TBC1D20: variants seen among roughly 807,000 people sequenced by gnomAD.
TBC1D20 encodes chromosome 20 open reading frame 140.
Under a neutral mutation model 41.6 loss-of-function variants are expected in TBC1D20, and 12 were observed. That is an observed-to-expected ratio of 0.29 (90% CI 0.18 to 0.47). The LOEUF (loss-of-function observed/expected upper bound fraction) is 0.47, where lower values mean the gene tolerates loss of function less well. TBC1D20 is among the 20% of genes least tolerant of loss of function. TBC1D20 has a pLI of 1.00. For missense variants in TBC1D20, 421 were observed against 517.4 expected, an observed-to-expected ratio of 0.81 and a Z score of 1.81; for synonymous variants, 205 against 204.8, an observed-to-expected ratio of 1.00 and a Z score of -0.01.
chr20:441,393 C>G (rs1202205709), intron 5 of TBC1D20, 195 bp downstream of exon 5: 1 of 585,080 alleles, frequency 1.7e-6, no homozygotes, highest in Non-Finnish European at 3.1e-6. Context: ...GCTATGTCCC[C>G]CAAAGAGCAC....
intron 1 of TBC1D20, among the ~76,000 whole-genome samples, chr20:453,875 G>A (rs1397734042): frequency 6.8e-6 from 1 of 146,384 alleles, no homozygotes; most frequent in African/African-American, 2.6e-5. Flanking sequence ...GGAGGCCGAG[G>A]TGGATGGATC....
At chr20:451,288 T>C (rs1210979233) in intron 1 of TBC1D20, among the ~76,000 whole-genome samples, 1 of 152,182 alleles carries the variant, frequency 6.6e-6, no homozygotes, top group East Asian at 1.9e-4. Context: ...CTCACGTCTG[T>C]AATCCCAGCA....
chr20:437,611 AG>A lies in TBC1D20; in HGVS notation c.*974del, dbSNP rs1396026380. ...AGTGAGTGGGTGCCTATTTGGGAGT[AG>A]GATGATTTGAGGAAAACAGGAAGAA... On this transcript the variant is annotated 3_prime_UTR_variant, in exon 8 of 8. Transcript: ENST00000354200. The A allele has an allele frequency of 6.5e-6, 1 of 152,696 alleles. No homozygotes were observed. Among genetic ancestry groups the A allele is most frequent in the African/African-American group, 2.4e-5 (1 of 41,450 alleles). 9.5% of individuals were successfully genotyped at this position (152,696 alleles called of 1,614,324 possible).
intron 3 of TBC1D20, among the ~76,000 whole-genome samples, 194 bp from the exon 4 acceptor site, chr20:442,237 A>T (rs2017248832): frequency 1.3e-5 from 2 of 152,232 alleles, no homozygotes; most frequent in African/African-American, 4.8e-5. Context: ...CCAGTAGGGG[A>T]AGCTGCAGAT....
intron 2 of TBC1D20, among the ~76,000 whole-genome samples, chr20:446,836 T>TG (rs2017341311): frequency 6.6e-6 from 1 of 152,020 alleles, no homozygotes; most frequent in Non-Finnish European, 1.5e-5. Flanking sequence ...TTCGCAATGT[T>TG]GCCCATGCTG....
intron 1 of TBC1D20, among the ~76,000 whole-genome samples, chr20:452,031 G>A (rs896915275): frequency 1.1e-4 from 16 of 152,116 alleles, no homozygotes; most frequent in African/African-American, 3.6e-4. Flanking sequence ...GCAAAAGGCC[G>A]GGCACAGTGG....
At position 438,753 on chromosome 20, in the gene TBC1D20, G is replaced by C. The variant is rs143694826; in HGVS notation, c.1045C>G (p.Leu349Val). ...MVLRQRFRGL[L>V]RPEDRTKDVL... ...TCTTTTGTTCGATCTTCAGGCCGCA[G>C]AAGTCCCCGAAACCGCTGCCGCAGC... The change falls in exon 8 of 8, where the codon CTG (leucine) becomes GTG (valine). Residue 349 changes from leucine (L) to valine (V), a missense_variant. Transcript: ENST00000354200. 2.5e-6 allele frequency: 4 copies of C among 1,614,244 alleles called. No homozygotes were observed. Among genetic ancestry groups the C allele is most frequent in the South Asian group, 1.1e-5 (1 of 91,086 alleles).
intron 1 of TBC1D20, among the ~76,000 whole-genome samples, chr20:461,113 G>T (rs1033941638): frequency 2.0e-5 from 3 of 152,204 alleles, no homozygotes; most frequent in African/African-American, 7.2e-5. Flanking sequence ...TATGTGGGTT[G>T]TATTAATAAC....
chr20:455,206 G>T (rs1339040729), intron 1 of TBC1D20, among the ~76,000 whole-genome samples: 2 of 152,156 alleles, frequency 1.3e-5, no homozygotes, highest in Non-Finnish European at 2.9e-5. Context: ...ATCTGTCTGA[G>T]ATCTTCCTGG....
intron 1 of TBC1D20, 123 bp from the exon 2 acceptor site, chr20:448,197 C>T: frequency 1.6e-6 from 1 of 632,330 alleles, no homozygotes; most frequent in Non-Finnish European, 2.7e-6. Context: ...CTAAGACTGC[C>T]TGCTGGCATA....
At chr20:457,298 G>A (rs911480435) in intron 1 of TBC1D20, among the ~76,000 whole-genome samples, 1 of 152,124 alleles carries the variant, frequency 6.6e-6, no homozygotes, top group African/African-American at 2.4e-5. Flanking sequence ...TGGCTGGAGT[G>A]CAGTGGCACA....
intron 1 of TBC1D20, among the ~76,000 whole-genome samples, chr20:452,292 T>C (rs370789905): frequency 4.0e-5 from 6 of 151,856 alleles, no homozygotes; most frequent in East Asian, 3.9e-4. Flanking sequence ...GGGCGCGACA[T>C]AGCGAGACTC....
Position 438,475 on chromosome 20 carries a change from TA to T in TBC1D20, c.*110del. 1.5e-6 allele frequency: 2 copies of T among 1,334,048 alleles called. No homozygotes were observed. The highest frequency in any genetic ancestry group is 1.4e-5 in the South Asian group (1 of 71,212). 82.6% of individuals were successfully genotyped at this position (1,334,048 alleles called of 1,614,324 possible). On this transcript the variant is annotated 3_prime_UTR_variant, in exon 8 of 8. Coordinates refer to ENST00000354200, the MANE Select transcript of TBC1D20 (RefSeq NM_144628.4). ...AACGGGCAGGGCAGGGTGGCAGGAA[TA>T]AAAAACTCTGGACAGAAACCCTTTT...
chr20:449,285 T>TGAAAAAA (rs1298346679), intron 1 of TBC1D20, among the ~76,000 whole-genome samples: 1 of 56,940 alleles, frequency 1.8e-5, no homozygotes, highest in Non-Finnish European at 2.9e-5. Flanking sequence ...CCCAATACAT[T>TGAAAAAA]AAAAAAAAAA....
In TBC1D20 at chr20:448,621, G is replaced by A. The variant is rs557832989; in HGVS notation, c.71-547C>T. Among the ~76,000 whole-genome samples the A allele has an allele frequency of 1.8e-4, 27 of 151,082 alleles. 1 individual carries two copies. The highest frequency in any genetic ancestry group is 6.1e-4 in the African/African-American group (25 of 41,202). On this transcript the variant is annotated intron_variant, in intron 1 of 7. Transcript: ENST00000354200. ...GAAGAATCACTTAAACCTGGGAGGCGGAGGTTGCAGTGAGCCGAGATCGTG... is the reference window on the plus strand; with the variant it reads ...GAAGAATCACTTAAACCTGGGAGGCAGAGGTTGCAGTGAGCCGAGATCGTG...
chr20:449,319 G>A (rs1312756823), intron 1 of TBC1D20, among the ~76,000 whole-genome samples: 1 of 147,340 alleles, frequency 6.8e-6, no homozygotes, highest in African/African-American at 2.5e-5. Flanking sequence ...AAGTGAGGCT[G>A]GGCACGGTGG....
At position 445,073 on chromosome 20, in the gene TBC1D20, C is replaced by A; in HGVS notation, c.314G>T (p.Arg105Leu). ...ACCAGGAGGGAACCGCCGCAATGAC[C>A]GCCGGACGTCCAGCAACACTTGTTG... is the stretch of plus-strand genomic sequence containing the variant. ...DYQQVLLDVR[R>L]SLRRFPPGMP... Residue 105 changes from arginine (R) to leucine (L), a missense_variant, in exon 3 of 8, where the codon CGG becomes CTG. This residue lies in a region of TBC1D20 where 150 missense variants were observed against 151.3 expected (regional missense o/e 0.99). Coordinates refer to ENST00000354200, the MANE Select transcript of TBC1D20 (RefSeq NM_144628.4). 1 of 1,605,372 alleles carries A rather than the reference C, an allele frequency of 6.2e-7. No individual in the cohort carries two copies. Among genetic ancestry groups the A allele is most frequent in the Non-Finnish European group, 8.5e-7 (1 of 1,174,972 alleles).
Position 438,502 on chromosome 20 carries a change from A to T in TBC1D20, c.*84T>A. On this transcript the variant is annotated 3_prime_UTR_variant, in exon 8 of 8. Transcript: ENST00000354200. The stretch of plus-strand genomic sequence containing the variant: ...AAAAACTCTGGACAGAAACCCTTTT[A>T]ATAAAGGAAATTCCACCCCTCCCAA... 6.7e-7 allele frequency: 1 copy of T among 1,483,548 alleles called. No individual in the cohort carries two copies. The highest frequency in any genetic ancestry group is 9.1e-7 in the Non-Finnish European group (1 of 1,094,750). 91.9% of individuals were successfully genotyped at this position (1,483,548 alleles called of 1,614,324 possible).
intron 3 of TBC1D20, among the ~76,000 whole-genome samples, chr20:443,103 GA>G (rs991879250): frequency 1.3e-5 from 2 of 149,954 alleles, no homozygotes; most frequent in South Asian, 2.1e-4. Flanking sequence ...CCGTCTCCAA[GA>G]AAAAAAAAGC....
Sources: allele counts gnomAD v4.1 joint callset (sites outside exome capture counted in the v4.1 genomes callset), GRCh38; gene constraint gnomAD v4.1.1; regional missense constraint gnomAD v4.1.1; transcripts MANE v1.5; gene names NCBI Gene and HGNC (gene_info 2026-07-23, HGNC 2026-07-21).